The following STAT5A variants were observed in gnomAD, a reference collection of about 807,000 sequenced individuals.
STAT5A encodes the protein signal transducer and activator of transcription 5A, also known as epididymis secretory sperm binding protein.
A neutral mutation model predicts 100.2 loss-of-function variants in STAT5A; 26 were observed. The observed-to-expected ratio is 0.26, with a 90% CI of 0.19 to 0.36. STAT5A has a LOEUF of 0.36. Among genes scored for constraint, STAT5A ranks in the 10% least tolerant of loss-of-function variants. The pLI is 1.00. For synonymous variants in STAT5A, 330 were observed against 424.3 expected, an observed-to-expected ratio of 0.78 and a Z score of 2.73; for missense variants, 634 against 1,027.5, an observed-to-expected ratio of 0.62 and a Z score of 5.24.
intron 5 of STAT5A, among the ~76,000 whole-genome samples, chr17:42,298,733 C>T (rs1470575679): frequency 2.0e-5 from 3 of 150,918 alleles, no homozygotes; most frequent in African/African-American, 4.9e-5. Flanking sequence ...GTGATCTGCC[C>T]GCCTCAGTCT....
chr17:42,299,399 G>T (rs1364454856), intron 5 of STAT5A, among the ~76,000 whole-genome samples: 1 of 152,234 alleles, frequency 6.6e-6, no homozygotes, highest in Non-Finnish European at 1.5e-5. Context: ...TCAAGGGCAT[G>T]GGCACACTTA....
At chr17:42,294,002 G>A (rs1373672987) in intron 4 of STAT5A, among the ~76,000 whole-genome samples, 2 of 152,080 alleles carry the variant, frequency 1.3e-5, no homozygotes, top group Non-Finnish European at 2.9e-5. Flanking sequence ...ATCACCTGAC[G>A]TCAGAAGTTC....
chr17:42,299,722 T>G (rs377681898), intron 5 of STAT5A, 29 bp from the exon 6 acceptor site: 78 of 1,613,944 alleles, frequency 4.8e-5, no homozygotes, highest in Non-Finnish European at 6.5e-5. Flanking sequence ...TAGGAGGTGA[T>G]GGTCATGGTT....
In STAT5A at chr17:42,310,517, G is replaced by A; in HGVS notation, c.2233G>A (p.Val745Ile). The A allele has an allele frequency of 6.2e-7, 1 of 1,614,188 alleles. No individual in the cohort carries two copies. Among genetic ancestry groups the A allele is most frequent in the Non-Finnish European group, 8.5e-7 (1 of 1,180,030 alleles). Residue 745 changes from valine (V) to isoleucine (I), a missense_variant, in exon 19 of 19, where the codon GTA (valine) becomes ATA (isoleucine). Transcript: ENST00000590949. ...CCCTGTCTTTACCAGCCCTGACCAT[G>A]TACTCGATCAGGATGGAGAATTCGA... ...YNMYPQNPDH[V>I]LDQDGEFDLD...
chr17:42,308,925 C>T lies in STAT5A; in HGVS notation c.2063-122C>T. On this transcript the variant is annotated intron_variant, in intron 16 of 18. Transcript: ENST00000590949. The surrounding 1 kb of genome is among the most constrained non-coding windows in gnomAD (Gnocchi z 4.6). Reference sequence around the variant, plus strand: ...TGTTTATTGGGGGTCCTTGGGAAATCTCATCCCAGCTGAGAACACAAGGTG... The same window carrying T: ...TGTTTATTGGGGGTCCTTGGGAAATTTCATCCCAGCTGAGAACACAAGGTG... 3 of 1,297,044 alleles carry T rather than the reference C, an allele frequency of 2.3e-6. No homozygotes were observed. The South Asian group carries it at 3.8e-5, about 17-fold the overall frequency. 80.3% of individuals were successfully genotyped at this position (1,297,044 alleles called of 1,614,324 possible). A position where few individuals can be genotyped will look rare whatever the true frequency, so the allele number is the denominator to read the frequency against.
At chr17:42,310,472 G>A in intron 18 of STAT5A, 35 bp from the exon 19 acceptor site, 1 of 1,610,746 alleles carries the variant, frequency 6.2e-7, no homozygotes, top group Non-Finnish European at 8.5e-7. Context: ...TGTGAGACAT[G>A]CCAGCTCCCT....
rs561778441 is a variant in STAT5A at position 42,308,587 on chromosome 17, G to A, written c.2062+254G>A. ...GATTCTCACTTCTGCACCCTCGGAG[G>A]AAGGGGTGGCAGCACTGTAGGGAGT... On this transcript the variant is annotated intron_variant, in intron 16 of 18. Coordinates refer to ENST00000590949, the MANE Select transcript of STAT5A (RefSeq NM_001288718.2). The surrounding 1 kb of genome is among the most constrained non-coding windows in gnomAD (Gnocchi z 4.6). The A allele has an allele frequency of 5.5e-4, 309 of 562,388 alleles. 1 individual carries two copies. The highest frequency in any genetic ancestry group is 2.0e-3 in the Middle Eastern group (4 of 2,036). 34.8% of individuals were successfully genotyped at this position (562,388 alleles called of 1,614,324 possible). A position where few individuals can be genotyped will look rare whatever the true frequency, so the allele number is the denominator to read the frequency against.
At chr17:42,294,590 C>T (rs2080900742) in intron 4 of STAT5A, among the ~76,000 whole-genome samples, 2 of 152,176 alleles carry the variant, frequency 1.3e-5, no homozygotes, top group Non-Finnish European at 2.9e-5. Flanking sequence ...AGAGATGACC[C>T]CTCTGCAATG....
In STAT5A at chr17:42,307,512, T is replaced by A. The variant is rs758138878; in HGVS notation, c.1775+16T>A. 9.9e-6 allele frequency: 16 copies of A among 1,613,942 alleles called. No individual in the cohort carries two copies. The highest frequency in any genetic ancestry group is 5.9e-6 in the Non-Finnish European group (7 of 1,180,002). On this transcript the variant is annotated intron_variant, in intron 14 of 18. Coordinates refer to ENST00000590949, the MANE Select transcript of STAT5A (RefSeq NM_001288718.2). ...GGAATGATGGGTAAGGAACGGGGGCTGCAGGGTCAGGGGCCAGCTGTGGGC... is the reference window on the plus strand; with the variant it reads ...GGAATGATGGGTAAGGAACGGGGGCAGCAGGGTCAGGGGCCAGCTGTGGGC...
At chr17:42,289,243 T>G in intron 1 of STAT5A, 159 bp from the exon 2 acceptor site, 1 of 793,718 alleles carries the variant, frequency 1.3e-6, no homozygotes, top group Non-Finnish European at 1.8e-6. Flanking sequence ...GGCCCTCCAC[T>G]CCTCACCATC....
chr17:42,292,793 AT>A (rs916263139), intron 4 of STAT5A, among the ~76,000 whole-genome samples: 2 of 149,716 alleles, frequency 1.3e-5, no homozygotes, highest in African/African-American at 2.5e-5. Flanking sequence ...TGCCCGGCTA[AT>A]TTTTTTTGTA....
In STAT5A at chr17:42,305,613, C is replaced by G; in HGVS notation, c.1384C>G (p.Leu462Val). Residue 462 changes from leucine to valine, a missense_variant, in exon 12 of 19, where the codon CTG (leucine) becomes GTG (valine). Leu to Val is a conservative substitution (Grantham distance 32, BLOSUM62 1). Around this residue, in one of 5 missense-constraint regions of STAT5A, gnomAD observed 210 missense variants for 428.4 expected, o/e 0.49. Coordinates refer to ENST00000590949, the MANE Select transcript of STAT5A (RefSeq NM_001288718.2). ...SNELVFQVKTLSLPVVVIVHG... is the reference protein window; with the variant it reads ...SNELVFQVKTVSLPVVVIVHG... ...TGGGTTCCTTTGACTCCTGTAGACT[C>G]TGTCCCTACCTGTGGTTGTCATCGT... 6.2e-7 allele frequency: 1 copy of G among 1,614,198 alleles called. No homozygotes were observed. The highest frequency in any genetic ancestry group is 8.5e-7 in the Non-Finnish European group (1 of 1,180,014).
At position 42,288,883 on chromosome 17, in the gene STAT5A, A is replaced by C. The variant is rs1277538135; in HGVS notation, c.-11+285A>C. On this transcript the variant is annotated intron_variant, in intron 1 of 18. Transcript: ENST00000590949. This position sits in a 1 kb window ranked among gnomAD's most constrained non-coding sequence, Gnocchi z 4.8. ...GGCACTAGTGCACAGATGGGGGAGC[A>C]GCCGAAGAGGGGAGCGCCCAAGTCC... Among the ~76,000 whole-genome samples, 1 of 152,180 alleles carries C rather than the reference A, an allele frequency of 6.6e-6. No individual in the cohort carries two copies. Among genetic ancestry groups the C allele is most frequent in the Non-Finnish European group, 1.5e-5 (1 of 67,992 alleles).
intron 12 of STAT5A, among the ~76,000 whole-genome samples, chr17:42,305,942 T>C (rs2081024548): frequency 6.6e-6 from 1 of 152,226 alleles, no homozygotes; most frequent in Non-Finnish European, 1.5e-5. Context: ...CTTTGGATCC[T>C]GGTCTGGGAT....
chr17:42,303,977 C>T (rs918397034), intron 9 of STAT5A, among the ~76,000 whole-genome samples: 1 of 152,090 alleles, frequency 6.6e-6, no homozygotes, highest in Non-Finnish European at 1.5e-5. Context: ...GAGAGGAATT[C>T]AGTGAGGCCA....
intron 4 of STAT5A, among the ~76,000 whole-genome samples, chr17:42,293,719 C>T (rs892401722): frequency 2.6e-5 from 4 of 152,186 alleles, no homozygotes; most frequent in African/African-American, 9.7e-5. Context: ...CAGATTGGGG[C>T]AGGCTGGCAG....
At position 42,304,453 on chromosome 17, in the gene STAT5A, A is replaced by C; in HGVS notation, c.1257+24A>C. On this transcript the variant is annotated intron_variant, in intron 10 of 18. Coordinates refer to ENST00000590949, the MANE Select transcript of STAT5A (RefSeq NM_001288718.2). This position sits in a 1 kb window ranked among gnomAD's most constrained non-coding sequence, Gnocchi z 4.8. ...TGGTGAGGACGGGGCCCACCCTCGG[A>C]GGGCAGGTCTGCCCAGAGCTGAGTC... is the stretch of plus-strand genomic sequence containing the variant. 1 of 1,614,194 alleles carries C rather than the reference A, an allele frequency of 6.2e-7. No homozygotes were observed. The highest frequency in any genetic ancestry group is 8.5e-7 in the Non-Finnish European group (1 of 1,180,002).
In STAT5A at chr17:42,300,284, A is replaced by C. The variant is rs1348970477; in HGVS notation, c.833+3A>C. 1 of 1,560,022 alleles carries C rather than the reference A, an allele frequency of 6.4e-7. No homozygotes were observed. The highest frequency in any genetic ancestry group is 1.4e-5 in the African/African-American group (1 of 73,552). ...AGCCTGGACGTGCTACAGTCCTGGT[A>C]ATGGTGTGGGGCGGCCAGCGGGCAG... On this transcript the variant is annotated splice_donor_region_variant and intron_variant, in intron 7 of 18. Coordinates refer to ENST00000590949, the MANE Select transcript of STAT5A (RefSeq NM_001288718.2).
rs778385253 is a variant in STAT5A at position 42,295,590 on chromosome 17, C to G, written c.376-29C>G. On this transcript the variant is annotated intron_variant, in intron 4 of 18. Transcript: ENST00000590949. ...TGGTCTTCTCCCATCCTCTCTTCCCCGAGTTATTTCCATTCCATCTGTCTC... is the reference window on the plus strand; with the variant it reads ...TGGTCTTCTCCCATCCTCTCTTCCCGGAGTTATTTCCATTCCATCTGTCTC... The G allele has an allele frequency of 1.9e-6, 3 of 1,603,632 alleles. No individual in the cohort carries two copies. In the African/African-American group the frequency reaches 4.0e-5, roughly 21 times the overall value.
Sources: allele counts gnomAD v4.1 joint callset (sites outside exome capture counted in the v4.1 genomes callset), GRCh38; gene constraint gnomAD v4.1.1; regional missense constraint gnomAD v4.1.1; non-coding constraint Gnocchi (gnomAD v3.1); transcripts MANE v1.5; gene names NCBI Gene and HGNC (gene_info 2026-07-23, HGNC 2026-07-21).